Variants in PLXDC2 observed in about 807,000 individuals in gnomAD.
PLXDC2 encodes plexin domain-containing protein 2.
A neutral mutation model predicts 68.9 loss-of-function variants in PLXDC2; 40 were observed. The ratio of observed to expected loss-of-function variants is 0.58; its 90% CI spans 0.45 to 0.76. The LOEUF is 0.76. Among genes scored for constraint, PLXDC2 ranks in the 30% least tolerant of loss-of-function variants. The pLI, the probability that PLXDC2 is intolerant of heterozygous loss-of-function variation, is 0.00. For synonymous variants in PLXDC2, 243 were observed against 234.2 expected, an observed-to-expected ratio of 1.04 and a Z score of -0.34; for missense variants, 644 against 661.9, an observed-to-expected ratio of 0.97 and a Z score of 0.30.
chr10:19,957,798 AGTT>A (rs1033665701), intron 1 of PLXDC2, among the ~76,000 whole-genome samples: 7 of 152,190 alleles, frequency 4.6e-5, no homozygotes, highest in African/African-American at 1.7e-4. Context: ...TCTTCAAAGA[AGTT>A]GTACCAATTT....
intron 4 of PLXDC2, among the ~76,000 whole-genome samples, chr10:20,108,816 T>C (rs780671305): frequency 7.9e-5 from 12 of 152,184 alleles, no homozygotes; most frequent in Non-Finnish European, 1.2e-4. Context: ...AAATATTCAA[T>C]GAATATCAAG....
chr10:20,137,042 A>G (rs546893629), intron 4 of PLXDC2, among the ~76,000 whole-genome samples: 13 of 152,296 alleles, frequency 8.5e-5, no homozygotes, highest in African/African-American at 3.1e-4. Flanking sequence ...TTTGTTATCT[A>G]TTATCCTGTA....
intron 1 of PLXDC2, among the ~76,000 whole-genome samples, chr10:19,820,075 G>A (rs1162205948): frequency 6.6e-6 from 1 of 152,144 alleles, no homozygotes. Context: ...TGGAGCTTGA[G>A]GTTGGGTAAG....
intron 2 of PLXDC2, among the ~76,000 whole-genome samples, chr10:20,019,503 C>T (rs1835267668): frequency 6.6e-6 from 1 of 152,110 alleles, no homozygotes; most frequent in Admixed American, 6.5e-5. Context: ...AAGCCCTAGC[C>T]CCCAGTGTGA....
intron 1 of PLXDC2, among the ~76,000 whole-genome samples, chr10:19,934,116 C>T (rs896120622): frequency 5.9e-5 from 9 of 152,250 alleles, no homozygotes; most frequent in African/African-American, 2.2e-4. Context: ...CATTGGGATA[C>T]CACTTCATTA....
At chr10:20,245,217 T>C in intron 12 of PLXDC2, 128 bp from the exon 13 acceptor site, 1 of 950,818 alleles carries the variant, frequency 1.1e-6, no homozygotes, top group East Asian at 2.8e-5. Context: ...AAATTGATGT[T>C]GCAGAAAAGT....
chr10:20,279,899 A>C lies in PLXDC2; in HGVS notation c.*80A>C. The stretch of plus-strand genomic sequence containing the variant: ...TTTGCCTATACCTTTAAGACAAACA[A>C]ACAAACACACACACAAACAAGCTCT... On this transcript the variant is annotated 3_prime_UTR_variant, in exon 14 of 14. Coordinates refer to ENST00000377252, the MANE Select transcript of PLXDC2 (RefSeq NM_032812.9). The C allele has an allele frequency of 9.8e-7, 1 of 1,022,100 alleles. No homozygotes were observed. The highest frequency in any genetic ancestry group is 1.5e-6 in the Non-Finnish European group (1 of 655,782). The allele number at this position is 1,022,100 out of a possible 1,614,324, so 63.3% of individuals were successfully genotyped here.
chr10:19,977,432 T>G (rs1834476215), intron 1 of PLXDC2, among the ~76,000 whole-genome samples: 1 of 152,164 alleles, frequency 6.6e-6, no homozygotes, highest in East Asian at 1.9e-4. Flanking sequence ...GCCTGGATAT[T>G]AGCATTCTAG....
chr10:19,884,043 C>G (rs1283373943), intron 1 of PLXDC2, among the ~76,000 whole-genome samples: 1 of 150,308 alleles, frequency 6.7e-6, no homozygotes, highest in Non-Finnish European at 1.5e-5. Context: ...AGGTGTGCAC[C>G]ACCACACCTG....
chr10:20,113,225 G>T (rs1833580731), intron 4 of PLXDC2, among the ~76,000 whole-genome samples: 1 of 141,952 alleles, frequency 7.0e-6, no homozygotes, highest in South Asian at 2.1e-4. Flanking sequence ...TCTTTTTATT[G>T]TAATACCTTA....
chr10:20,097,698 A>C (rs1816939342), intron 4 of PLXDC2, among the ~76,000 whole-genome samples: 1 of 152,248 alleles, frequency 6.6e-6, no homozygotes, highest in African/African-American at 2.4e-5. Flanking sequence ...AGTTTCTGCA[A>C]AAGTCAGTGG....
intron 1 of PLXDC2, among the ~76,000 whole-genome samples, chr10:19,890,530 T>A (rs1837936898): frequency 6.9e-6 from 1 of 145,070 alleles, no homozygotes; most frequent in African/African-American, 2.6e-5. Context: ...GCTTTTTTTT[T>A]TCTGAGACGG....
chr10:20,227,686 C>T (rs1332676817), intron 12 of PLXDC2, among the ~76,000 whole-genome samples: 1 of 152,048 alleles, frequency 6.6e-6, no homozygotes, highest in Non-Finnish European at 1.5e-5. Context: ...GAACTTTAAC[C>T]TAGAGATCTT....
At chr10:20,222,211 TTC>T (rs1835221742) in intron 12 of PLXDC2, among the ~76,000 whole-genome samples, 2 of 152,234 alleles carry the variant, frequency 1.3e-5, no homozygotes, top group African/African-American at 4.8e-5. Flanking sequence ...TTGCATTACT[TTC>T]TCTCTGAGTG....
chr10:20,131,633 C>T (rs1453255805), intron 4 of PLXDC2, among the ~76,000 whole-genome samples: 3 of 152,302 alleles, frequency 2.0e-5, no homozygotes, highest in South Asian at 4.1e-4. Flanking sequence ...CTCCTGACCT[C>T]AGGTGATCCA....
intron 4 of PLXDC2, among the ~76,000 whole-genome samples, chr10:20,117,967 C>T (rs528681903): frequency 1.6e-4 from 25 of 152,198 alleles, no homozygotes; most frequent in South Asian, 8.3e-4. Context: ...TAAAGATACT[C>T]GATATGTGTT....
intron 4 of PLXDC2, among the ~76,000 whole-genome samples, chr10:20,098,780 A>G (rs1833385145): frequency 6.6e-6 from 1 of 152,168 alleles, no homozygotes; most frequent in South Asian, 2.1e-4. Context: ...CTATAATCCA[A>G]TTCTGACAAA....
At chr10:19,910,168 T>TTATATATATA (rs3043811) in intron 1 of PLXDC2, among the ~76,000 whole-genome samples, 13 of 145,258 alleles carry the variant, frequency 8.9e-5, no homozygotes, top group South Asian at 4.4e-4. Context: ...TTGTACACTT[T>TTATATATATA]TATATATATA....
intron 1 of PLXDC2, among the ~76,000 whole-genome samples, chr10:19,920,081 T>C (rs1833433145): frequency 2.0e-5 from 3 of 152,252 alleles, no homozygotes; most frequent in Admixed American, 2.0e-4. Context: ...TTACCACTTT[T>C]AGATGGGGCA....
Sources: gnomAD v4.1 joint callset for allele counts (sites outside exome capture counted in the v4.1 genomes callset) on GRCh38, gnomAD v4.1.1 for gene constraint, MANE v1.5 for transcripts, NCBI Gene and HGNC (gene_info 2026-07-23, HGNC 2026-07-21) for gene names.